Variants in ERG observed in about 807,000 individuals in gnomAD.
ERG encodes transcriptional regulator ERG.
A neutral mutation model predicts 55.3 loss-of-function variants in ERG; 9 were observed. The observed-to-expected ratio is 0.16, with a 90% CI of 0.10 to 0.28. ERG has a LOEUF of 0.28. Among genes scored for constraint, ERG ranks in the 10% least tolerant of loss-of-function variants. The pLI, the probability that ERG is intolerant of heterozygous loss-of-function variation, is 1.00. For synonymous variants in ERG, 223 were observed against 237.3 expected (o/e 0.94, Z 0.55); for missense variants, 434 against 631.6 (o/e 0.69, Z 3.35).
chr21:38,428,861 T>C (rs1208672599), intron 2 of ERG, among the ~76,000 whole-genome samples: 1 of 152,220 alleles, frequency 6.6e-6, no homozygotes, highest in Non-Finnish European at 1.5e-5. Context: ...CACAGACTCC[T>C]TTGAGGACAA....
chr21:38,381,420 A>G lies in ERG; in HGVS notation c.*1983T>C, dbSNP rs924539562. ...ATTATGGAAATAAACATTGTCTTCA[A>G]GGGATAGCCAGCAACATCAGGCTCA... On this transcript the variant is annotated 3_prime_UTR_variant, in exon 10 of 10. Coordinates refer to ENST00000288319, the MANE Select transcript of ERG (RefSeq NM_182918.4). 3 of 1,062,904 alleles carry G rather than the reference A, an allele frequency of 2.8e-6. No individual in the cohort carries two copies. In the African/African-American group the frequency reaches 4.9e-5, roughly 17 times the overall value. 65.8% of individuals were successfully genotyped at this position (1,062,904 alleles called of 1,614,324 possible). A position where few individuals can be genotyped will look rare whatever the true frequency, so the allele number is the denominator to read the frequency against.
chr21:38,390,908 A>G (rs898989061), intron 9 of ERG, 87 bp downstream of exon 9: 22 of 1,052,102 alleles, frequency 2.1e-5, no homozygotes, highest in African/African-American at 1.7e-4. Flanking sequence ...CAGTTGAAGG[A>G]ATTTCTCACC....
At chr21:38,451,381 G>T (rs897627648) in intron 1 of ERG, among the ~76,000 whole-genome samples, 4 of 152,188 alleles carry the variant, frequency 2.6e-5, no homozygotes, top group African/African-American at 9.7e-5. Context: ...TGATTAATCA[G>T]ATTATTCAGA....
intron 1 of ERG, among the ~76,000 whole-genome samples, chr21:38,623,384 T>C (rs2060305849): frequency 6.6e-6 from 1 of 151,740 alleles, no homozygotes; most frequent in African/African-American, 2.4e-5. Context: ...TTGCATGAAA[T>C]AAACATAAAG....
the ERG span, among the ~76,000 whole-genome samples, chr21:38,370,109 T>C: frequency 6.6e-6 from 1 of 152,160 alleles, no homozygotes; most frequent in Non-Finnish European, 1.5e-5. Context: ...TCGGGCTTTT[T>C]CATATCAGAC....
At chr21:38,601,416 T>C (rs1171288452) in intron 1 of ERG, among the ~76,000 whole-genome samples, 1 of 151,704 alleles carries the variant, frequency 6.6e-6, no homozygotes, top group Non-Finnish European at 1.5e-5. Flanking sequence ...GTCATAGACA[T>C]GCTCACTAAG....
chr21:38,465,796 A>C (rs1201622194), intron 1 of ERG, among the ~76,000 whole-genome samples: 1 of 152,194 alleles, frequency 6.6e-6, no homozygotes, highest in Non-Finnish European at 1.5e-5. Flanking sequence ...GACGGCCCTA[A>C]CCACTTTACT....
At chr21:38,609,119 G>A (rs1224995773) in intron 1 of ERG, among the ~76,000 whole-genome samples, 2 of 152,152 alleles carry the variant, frequency 1.3e-5, no homozygotes, top group African/African-American at 2.4e-5. Context: ...AGTGATTAAA[G>A]GAGACTGGAA....
At chr21:38,409,848 A>T (rs961055309) in intron 3 of ERG, among the ~76,000 whole-genome samples, 1 of 152,202 alleles carries the variant, frequency 6.6e-6, no homozygotes, top group Non-Finnish European at 1.5e-5. Context: ...ATTTTTAGAG[A>T]TTTCAGAGTA....
chr21:38,563,467 T>C (rs2059904751), intron 2 of ERG, among the ~76,000 whole-genome samples: 2 of 152,206 alleles, frequency 1.3e-5, no homozygotes, highest in South Asian at 4.1e-4. Flanking sequence ...CTCTAAAAAA[T>C]AAAGTCTGTA....
At chr21:38,569,957 G>A (rs2059947421) in intron 2 of ERG, among the ~76,000 whole-genome samples, 1 of 152,034 alleles carries the variant, frequency 6.6e-6, no homozygotes, top group African/African-American at 2.4e-5. Flanking sequence ...GTACTCCATT[G>A]GTGGAGTACA....
intron 1 of ERG, among the ~76,000 whole-genome samples, chr21:38,448,594 T>C (rs1454282260): frequency 6.6e-6 from 1 of 152,152 alleles, no homozygotes; most frequent in Non-Finnish European, 1.5e-5. Flanking sequence ...CTCTCTCACA[T>C]ACACATTTTG....
chr21:38,649,401 T>C (rs1371134266), intron 1 of ERG, among the ~76,000 whole-genome samples: 1 of 152,190 alleles, frequency 6.6e-6, no homozygotes, highest in African/African-American at 2.4e-5. Flanking sequence ...GCGAGCCACA[T>C]GGCCAGTCAA....
chr21:38,611,963 C>T (rs1460367941), intron 1 of ERG, among the ~76,000 whole-genome samples: 1 of 152,144 alleles, frequency 6.6e-6, no homozygotes, highest in Non-Finnish European at 1.5e-5. Flanking sequence ...AAGCTCCTTT[C>T]CTGAGTCAAC....
chr21:38,525,588 T>C (rs2059624413), intron 2 of ERG, among the ~76,000 whole-genome samples: 1 of 152,216 alleles, frequency 6.6e-6, no homozygotes, highest in Admixed American at 6.5e-5. Flanking sequence ...GTCATTTCTC[T>C]ACCTCATCCC....
intron 2 of ERG, among the ~76,000 whole-genome samples, chr21:38,553,002 C>CA (rs1404528060): frequency 6.6e-6 from 1 of 151,940 alleles, no homozygotes; most frequent in African/African-American, 2.4e-5. Flanking sequence ...TTTTAGGATA[C>CA]AAAATCAATG....
At chr21:38,425,544 A>T (rs975168595) in intron 2 of ERG, among the ~76,000 whole-genome samples, 2 of 152,216 alleles carry the variant, frequency 1.3e-5, no homozygotes, top group Non-Finnish European at 2.9e-5. Context: ...GTAGCTGAGA[A>T]GTATTAATAT....
chr21:38,506,305 A>G (rs1353875525), intron 2 of ERG, among the ~76,000 whole-genome samples: 1 of 152,198 alleles, frequency 6.6e-6, no homozygotes, highest in African/African-American at 2.4e-5. Context: ...TTCTCTGTAC[A>G]CAATACTGAC....
the ERG span, among the ~76,000 whole-genome samples, chr21:38,369,493 A>C: frequency 6.6e-6 from 1 of 151,972 alleles, no homozygotes; most frequent in Non-Finnish European, 1.5e-5. Context: ...GAAATTAATA[A>C]ATTTAAGTTC....
Sources: gnomAD v4.1 joint callset for allele counts (sites outside exome capture counted in the v4.1 genomes callset) on GRCh38, gnomAD v4.1.1 for gene constraint, MANE v1.5 for transcripts, NCBI Gene and HGNC (gene_info 2026-07-23, HGNC 2026-07-21) for gene names.